Variants in AKAP13 observed in about 807,000 individuals in gnomAD.
AKAP13 encodes the protein A-kinase anchor protein 13.
In AKAP13, 80 loss-of-function variants were observed where a neutral mutation model predicts 264.5. The observed-to-expected ratio is 0.30, with a 90% CI of 0.25 to 0.36. The LOEUF (loss-of-function observed/expected upper bound fraction) is 0.36, where lower values mean the gene tolerates loss of function less well. Among genes scored for constraint, AKAP13 ranks in the 10% least tolerant of loss-of-function variants. The probability of loss-of-function intolerance (pLI) is 1.00; values close to 1 mark genes in which losing one functional copy is unlikely to be tolerated. For synonymous variants in AKAP13, 1,380 were observed against 1,250.2 expected, an observed-to-expected ratio of 1.10 and a Z score of -2.19; for missense variants, 3,712 against 3,435.2, an observed-to-expected ratio of 1.08 and a Z score of -2.01.
At chr15:85,657,514 AG>A (rs2151524801) in intron 11 of AKAP13, among the ~76,000 whole-genome samples, 1 of 152,250 alleles carries the variant, frequency 6.6e-6, no homozygotes, top group African/African-American at 2.4e-5. Context: ...TGGTGCAGGT[AG>A]TTTGCATCAT....
intron 14 of AKAP13, among the ~76,000 whole-genome samples, chr15:85,671,713 T>A (rs1315293375): frequency 6.6e-6 from 1 of 151,960 alleles, no homozygotes; most frequent in African/African-American, 2.4e-5. Flanking sequence ...TTGAATAGTT[T>A]GCAGTGAATT....
chr15:85,744,513 G>A, intron 36 of AKAP13, 115 bp from the exon 37 acceptor site: 2 of 1,093,442 alleles, frequency 1.8e-6, no homozygotes, highest in Non-Finnish European at 2.8e-6. Context: ...AGAGTTAATT[G>A]CCCATAAGCC....
intron 2 of AKAP13, among the ~76,000 whole-genome samples, chr15:85,505,253 T>C (rs2076180252): frequency 6.6e-6 from 1 of 152,190 alleles, no homozygotes; most frequent in Non-Finnish European, 1.5e-5. Flanking sequence ...CTTGAGTAGA[T>C]TTATTGAGCG....
chr15:85,401,070 C>T (rs11074203), intron 1 of AKAP13, among the ~76,000 whole-genome samples: 1 of 151,474 alleles, frequency 6.6e-6, no homozygotes, highest in Non-Finnish European at 1.5e-5. Flanking sequence ...CCATGTTCGT[C>T]AAGCTGATCT....
At chr15:85,499,953 C>T (rs1424428400) in intron 2 of AKAP13, among the ~76,000 whole-genome samples, 1 of 152,140 alleles carries the variant, frequency 6.6e-6, no homozygotes, top group Non-Finnish European at 1.5e-5. Context: ...GTACTTTGTG[C>T]ATCATAATGC....
rs757009089 is a variant in AKAP13 at position 85,719,065 on chromosome 15, C to A, written c.6002-11C>A. ...AGTGTTCCTGACACTTGATCTTTTTCCTCCTTTTAGAGTTGATGCAGACAG... is the reference window on the plus strand; with the variant it reads ...AGTGTTCCTGACACTTGATCTTTTTACTCCTTTTAGAGTTGATGCAGACAG... On this transcript the variant is annotated splice_polypyrimidine_tract_variant and intron_variant, in intron 22 of 36. Transcript: ENST00000394518. 5 of 1,612,408 alleles carry A rather than the reference C, an allele frequency of 3.1e-6. No individual in the cohort carries two copies. Among genetic ancestry groups the A allele is most frequent in the Non-Finnish European group, 4.2e-6 (5 of 1,179,360 alleles).
chr15:85,547,170 A>G (rs780079247), intron 5 of AKAP13, among the ~76,000 whole-genome samples: 14 of 152,228 alleles, frequency 9.2e-5, no homozygotes, highest in Admixed American at 2.0e-4. Context: ...AAGTATGGCT[A>G]TGTATATTTT....
intron 14 of AKAP13, among the ~76,000 whole-genome samples, chr15:85,680,809 G>A (rs146239316): frequency 6.6e-6 from 1 of 152,012 alleles, no homozygotes; most frequent in African/African-American, 2.4e-5. Flanking sequence ...GGGTAATCTG[G>A]GAGTTTTTTT....
At chr15:85,644,970 A>G (rs2082487792) in intron 9 of AKAP13, among the ~76,000 whole-genome samples, 1 of 152,222 alleles carries the variant, frequency 6.6e-6, no homozygotes, top group Admixed American at 6.5e-5. Context: ...TTTACAAAAA[A>G]TAAACTGGAC....
At chr15:85,489,889 G>A (rs1439360347) in intron 2 of AKAP13, among the ~76,000 whole-genome samples, 1 of 152,202 alleles carries the variant, frequency 6.6e-6, no homozygotes, top group Non-Finnish European at 1.5e-5. Flanking sequence ...ACCATAAAAT[G>A]TGCAGGACCC....
intron 1 of AKAP13, among the ~76,000 whole-genome samples, chr15:85,476,770 C>G (rs889478746): frequency 6.6e-6 from 1 of 152,204 alleles, no homozygotes; most frequent in Non-Finnish European, 1.5e-5. Flanking sequence ...AGAAGGTTGT[C>G]TCTAATCTTA....
intron 5 of AKAP13, among the ~76,000 whole-genome samples, chr15:85,545,631 A>G (rs956133005): frequency 2.0e-5 from 3 of 152,196 alleles, no homozygotes; most frequent in Non-Finnish European, 4.4e-5. Flanking sequence ...CTAGCTCTTA[A>G]CTTGAATTCT....
intron 1 of AKAP13, among the ~76,000 whole-genome samples, chr15:85,455,755 A>G (rs2074261275): frequency 6.6e-6 from 1 of 152,002 alleles, no homozygotes; most frequent in Non-Finnish European, 1.5e-5. Context: ...TCCCTTTAAC[A>G]ATTTGTGTCT....
intron 1 of AKAP13, among the ~76,000 whole-genome samples, chr15:85,476,087 C>T (rs942572327): frequency 2.0e-5 from 3 of 152,078 alleles, no homozygotes; most frequent in African/African-American, 7.2e-5. Flanking sequence ...CAGTGATAAT[C>T]CTATTAAAAT....
intron 4 of AKAP13, chr15:85,537,083 AG>A (rs2077426811): frequency 6.6e-6 from 1 of 152,258 alleles, no homozygotes; most frequent in Non-Finnish European, 1.5e-5. Context: ...AACTGGGATG[AG>A]GAATCTGATT....
intron 1 of AKAP13, among the ~76,000 whole-genome samples, chr15:85,484,816 T>C (rs1450719001): frequency 6.6e-6 from 1 of 152,224 alleles, no homozygotes; most frequent in Non-Finnish European, 1.5e-5. Context: ...AAGTTTGTTA[T>C]TTTGTCTGTG....
chr15:85,433,094 A>C (rs1181569269), intron 1 of AKAP13, among the ~76,000 whole-genome samples: 1 of 145,554 alleles, frequency 6.9e-6, no homozygotes, highest in African/African-American at 2.5e-5. Context: ...TCCCCCCTTT[A>C]ACACTGTGTT....
chr15:85,581,772 C>T lies in AKAP13; in HGVS notation c.3704C>T (p.Ser1235Phe). The T allele has an allele frequency of 6.2e-7, 1 of 1,614,186 alleles. No homozygotes were observed. The highest frequency in any genetic ancestry group is 1.3e-5 in the African/African-American group (1 of 75,058). The change falls in exon 7 of 37, where the codon TCT becomes TTT. Residue 1235 changes from serine (S) to phenylalanine (F), a missense_variant. Physicochemically the swap from Ser to Phe is radical, Grantham distance 155 (BLOSUM62 -2). Coordinates refer to ENST00000394518, the MANE Select transcript of AKAP13 (RefSeq NM_007200.5). ...RSTPSLPCMVSAQDAPLPKGA... is the reference protein window; with the variant it reads ...RSTPSLPCMVFAQDAPLPKGA... ...ACTCCCTCTCTACCTTGCATGGTCT[C>T]TGCCCAGGACGCACCTCTGCCTAAG...
chr15:85,598,296 G>A (rs2079906532), intron 8 of AKAP13, among the ~76,000 whole-genome samples: 1 of 152,158 alleles, frequency 6.6e-6, no homozygotes, highest in Admixed American at 6.5e-5. Flanking sequence ...GATGCATGAT[G>A]AGAAGCATCA....
Sources: gnomAD v4.1 joint callset for allele counts (sites outside exome capture counted in the v4.1 genomes callset) on GRCh38, gnomAD v4.1.1 for gene constraint, MANE v1.5 for transcripts, NCBI Gene and HGNC (gene_info 2026-07-23, HGNC 2026-07-21) for gene names.